Variants in TMEM178B observed in about 807,000 individuals in gnomAD.
The protein encoded by TMEM178B is transmembrane protein 178B.
A neutral mutation model predicts 31.0 loss-of-function variants in TMEM178B; 5 were observed. That is an observed-to-expected ratio of 0.16 (90% CI 0.08 to 0.34). The LOEUF (loss-of-function observed/expected upper bound fraction) is 0.34. Among genes scored for constraint, TMEM178B ranks in the 10% least tolerant of loss-of-function variants. TMEM178B has a pLI of 1.00. For synonymous variants in TMEM178B, 164 were observed against 164.0 expected (o/e 1.00, Z 0.00); for missense variants, 275 against 400.3 (o/e 0.69, Z 2.67).
In TMEM178B at chr7:141,442,368, C is replaced by T. The variant is rs538260817; in HGVS notation, c.634+4623C>T. On this transcript the variant is annotated intron_variant, in intron 3 of 3. Transcript: ENST00000565468. ...CACTCTGGCCACCCTGCAATCAGTC[C>T]TTCACAGAGCAGTTAGCATAATTTT... Among the ~76,000 whole-genome samples, 4 of 152,192 alleles carry T rather than the reference C, an allele frequency of 2.6e-5. No homozygotes were observed. In the South Asian group the frequency reaches 8.3e-4, roughly 32 times the overall value.
intron 3 of TMEM178B, among the ~76,000 whole-genome samples, chr7:141,463,647 T>A (rs1342373560): frequency 4.6e-5 from 7 of 152,274 alleles, no homozygotes; most frequent in Non-Finnish European, 1.0e-4. Flanking sequence ...CCAGGGACAG[T>A]CTGAGAGAAT....
At chr7:141,261,015 A>G (rs1395765913) in intron 2 of TMEM178B, among the ~76,000 whole-genome samples, 1 of 152,364 alleles carries the variant, frequency 6.6e-6, no homozygotes, top group South Asian at 2.1e-4. Context: ...ACCATTTTGT[A>G]ATAATATAAA....
intron 2 of TMEM178B, among the ~76,000 whole-genome samples, chr7:141,251,078 A>G (rs1398206839): frequency 2.6e-5 from 4 of 151,944 alleles, no homozygotes; most frequent in African/African-American, 9.7e-5. Context: ...GATCTTTTTT[A>G]AGCATCTTCT....
intron 1 of TMEM178B, among the ~76,000 whole-genome samples, chr7:141,131,000 C>A (rs75851544): frequency 1.3e-5 from 2 of 152,198 alleles, no homozygotes; most frequent in African/African-American, 4.8e-5. Flanking sequence ...CCCATTAGAA[C>A]GGGAACTCAT....
At chr7:141,179,890 C>G (rs572370582) in intron 1 of TMEM178B, among the ~76,000 whole-genome samples, 1 of 152,206 alleles carries the variant, frequency 6.6e-6, no homozygotes, top group East Asian at 1.9e-4. Context: ...CCCACAACTC[C>G]TCTGTCTCTC....
At chr7:141,254,274 G>A (rs570397371) in intron 2 of TMEM178B, among the ~76,000 whole-genome samples, 1 of 152,204 alleles carries the variant, frequency 6.6e-6, no homozygotes, top group African/African-American at 2.4e-5. Context: ...GCCCTAACAG[G>A]TGATGCCAGC....
At position 141,317,634 on chromosome 7, in the gene TMEM178B, A is replaced by G. The variant is rs560018066; in HGVS notation, c.496+104930A>G. Among the ~76,000 whole-genome samples the G allele has an allele frequency of 1.8e-3, 270 of 152,302 alleles. 2 individuals carry two copies. Among genetic ancestry groups the G allele is most frequent in the African/African-American group, 6.1e-3 (252 of 41,560 alleles). On this transcript the variant is annotated intron_variant, in intron 2 of 3. Coordinates refer to ENST00000565468, the MANE Select transcript of TMEM178B (RefSeq NM_001195278.2). Reference sequence around the variant, plus strand: ...GTCTGTCCAGGAGTGATAGGATGCCAAGATAAAGAATCTCTGTGTGCTCTG... The same window carrying G: ...GTCTGTCCAGGAGTGATAGGATGCCGAGATAAAGAATCTCTGTGTGCTCTG...
At chr7:141,185,727 A>G (rs561104993) in intron 1 of TMEM178B, among the ~76,000 whole-genome samples, 13 of 152,198 alleles carry the variant, frequency 8.5e-5, no homozygotes, top group African/African-American at 3.1e-4. Flanking sequence ...GCATTTGGGC[A>G]GACAAACAAA....
intron 2 of TMEM178B, among the ~76,000 whole-genome samples, chr7:141,268,295 C>T (rs145219227): frequency 3.3e-5 from 5 of 152,066 alleles, no homozygotes; most frequent in East Asian, 1.9e-4. Flanking sequence ...GAAACTTGAG[C>T]GGAAGAATAG....
chr7:141,089,564 T>C (rs2129172095), intron 1 of TMEM178B, among the ~76,000 whole-genome samples: 1 of 152,344 alleles, frequency 6.6e-6, no homozygotes, highest in East Asian at 1.9e-4. Flanking sequence ...TGCACACATA[T>C]GTTTATTGCG....
At chr7:141,406,580 G>C (rs1036310403) in intron 2 of TMEM178B, among the ~76,000 whole-genome samples, 1 of 152,134 alleles carries the variant, frequency 6.6e-6, no homozygotes, top group African/African-American at 2.4e-5. Context: ...ATATATGCTG[G>C]ATCAAAAGGA....
chr7:141,313,345 C>T (rs1336115262), intron 2 of TMEM178B, among the ~76,000 whole-genome samples: 2 of 152,174 alleles, frequency 1.3e-5, no homozygotes, highest in Non-Finnish European at 2.9e-5. Flanking sequence ...CTCTTGGGCT[C>T]TCTCACGGTT....
intron 2 of TMEM178B, among the ~76,000 whole-genome samples, chr7:141,264,021 C>G (rs774584977): frequency 2.6e-5 from 4 of 152,184 alleles, no homozygotes; most frequent in Non-Finnish European, 4.4e-5. Context: ...GTGGTACTTT[C>G]TTGGCATCAA....
chr7:141,205,152 G>A (rs1796942269), intron 1 of TMEM178B, among the ~76,000 whole-genome samples: 1 of 152,180 alleles, frequency 6.6e-6, no homozygotes, highest in Non-Finnish European at 1.5e-5. Context: ...GTCTAGTGCT[G>A]GAAACTGCTC....
At chr7:141,332,465 A>G (rs1799314721) in intron 2 of TMEM178B, among the ~76,000 whole-genome samples, 1 of 152,142 alleles carries the variant, frequency 6.6e-6, no homozygotes, top group Admixed American at 6.5e-5. Context: ...GATTTCTGCA[A>G]CCCATGACCC....
intron 2 of TMEM178B, among the ~76,000 whole-genome samples, chr7:141,330,997 C>G (rs73737794): frequency 0.099 from 15,108 of 152,166 alleles, 1,663 homozygotes; most frequent in African/African-American, 0.28. Context: ...TGCCTCCAAG[C>G]CTTTTTTGGT....
chr7:141,380,549 T>C (rs1287858354), intron 2 of TMEM178B, among the ~76,000 whole-genome samples: 1 of 152,210 alleles, frequency 6.6e-6, no homozygotes, highest in Non-Finnish European at 1.5e-5. Flanking sequence ...AGGATTATTT[T>C]GTGCTATGTA....
intron 2 of TMEM178B, among the ~76,000 whole-genome samples, chr7:141,285,056 T>TAAAA (rs144032381): frequency 7.3e-6 from 1 of 136,330 alleles, no homozygotes; most frequent in Non-Finnish European, 1.6e-5. Flanking sequence ...GAAAGCTCTT[T>TAAAA]AAAAAAAAAA....
intron 2 of TMEM178B, among the ~76,000 whole-genome samples, chr7:141,400,705 G>C (rs564281313): frequency 6.6e-6 from 1 of 152,212 alleles, no homozygotes; most frequent in Non-Finnish European, 1.5e-5. Context: ...CCTGCTCTTC[G>C]TGGGTTGTAG....
Sources: gnomAD v4.1 joint callset for allele counts (sites outside exome capture counted in the v4.1 genomes callset) on GRCh38, gnomAD v4.1.1 for gene constraint, MANE v1.5 for transcripts, NCBI Gene and HGNC (gene_info 2026-07-23, HGNC 2026-07-21) for gene names.